The following ZNF836 variants were observed in gnomAD, a reference collection of about 807,000 sequenced individuals.
ZNF836 encodes zinc finger protein 836.
A neutral mutation model predicts 7.4 loss-of-function variants in ZNF836; 12 were observed. The ratio of observed to expected loss-of-function variants is 1.61; its 90% CI spans 1.03 to 2.61. ZNF836 has a LOEUF of 2.61. ZNF836 is among the 30% of genes most tolerant of loss of function. The pLI is 0.00. For synonymous variants in ZNF836, 365 were observed against 382.6 expected, an observed-to-expected ratio of 0.95 and a Z score of 0.54; for missense variants, 998 against 1,126.2, an observed-to-expected ratio of 0.89 and a Z score of 1.63.
rs755702824 is a variant in ZNF836, at chr19:52,157,519, G to T, written c.164C>A (p.Thr55Asn). The change falls in exon 5 of 5, where the codon ACC becomes AAC. Residue 55 changes from threonine (T) to asparagine (N), a missense_variant. Coordinates refer to ENST00000682614, the MANE Select transcript of ZNF836 (RefSeq NM_001102657.3). Reference protein sequence around the residue: ...VFLGILPKCMTKELPPIGNSN... With the variant: ...VFLGILPKCMNKELPPIGNSN... The stretch of plus-strand genomic sequence containing the variant: ...GTTCCCTATTGGTGGTAATTCCTTG[G>T]TCATACATTTAGGAAGGATACCTAC... 3.3e-6 allele frequency: 5 copies of T among 1,531,408 alleles called. No homozygotes were observed. The highest frequency in any genetic ancestry group is 4.4e-6 in the Non-Finnish European group (5 of 1,145,726). The allele number at this position is 1,531,408 out of a possible 1,614,324, so 94.9% of individuals were successfully genotyped here.
In ZNF836 at chr19:52,160,491, TCCAACATCACATC is replaced by T; in HGVS notation, c.103_115del (p.Asp35ArgfsTer16). ...CAGGAAGACCAGGTTCCTGTAGTTC[TCCAACATCACATC>T]CCAGTACAAAGCTTTCTGCACAGGG... On this transcript the variant is annotated frameshift_variant, in exon 4 of 5. Transcript: ENST00000682614. LOFTEE classifies it low-confidence loss of function (END_TRUNC). 6.2e-7 allele frequency: 1 copy of T among 1,614,148 alleles called. No homozygotes were observed. Among genetic ancestry groups the T allele is most frequent in the Non-Finnish European group, 8.5e-7 (1 of 1,180,026 alleles).
intron 3 of ZNF836, among the ~76,000 whole-genome samples, chr19:52,167,245 G>T (rs1252843110): frequency 6.6e-6 from 1 of 151,718 alleles, no homozygotes. Context: ...GCCGAGGCGG[G>T]AGGATCACCT....
At chr19:52,159,534 T>C (rs1002564792) in intron 4 of ZNF836, among the ~76,000 whole-genome samples, 1 of 152,204 alleles carries the variant, frequency 6.6e-6, no homozygotes, top group Admixed American at 6.5e-5. Context: ...CCAATGTGTG[T>C]TGCCAAAACA....
Position 52,168,102 on chromosome 19 carries a change from T to C in ZNF836, c.-30A>G. The C allele has an allele frequency of 6.2e-7, 1 of 1,609,554 alleles. No individual in the cohort carries two copies. Among genetic ancestry groups the C allele is most frequent in the Non-Finnish European group, 8.5e-7 (1 of 1,178,446 alleles). ...GACTCCTTTTCTTTCCTCTTCTTCC[T>C]CTTCTGGGCTTCTCTCTCAGTCAAT... is the stretch of plus-strand genomic sequence containing the variant. On this transcript the variant is annotated 5_prime_UTR_variant, in exon 3 of 5. Coordinates refer to ENST00000682614, the MANE Select transcript of ZNF836 (RefSeq NM_001102657.3).
rs767705954 is a variant in ZNF836, at chr19:52,155,398, G to C, written c.2285C>G (p.Thr762Ser). The C allele has an allele frequency of 6.2e-7, 1 of 1,613,820 alleles. No homozygotes were observed. Among genetic ancestry groups the C allele is most frequent in the South Asian group, 1.1e-5 (1 of 91,056 alleles). Residue 762 changes from threonine to serine, a missense_variant, in exon 5 of 5, where the codon ACT becomes AGT. Physicochemically the swap from Thr to Ser is moderately conservative, Grantham distance 58. Coordinates refer to ENST00000682614, the MANE Select transcript of ZNF836 (RefSeq NM_001102657.3). ...CIECGQVFNSTSNLARHRRIH... is the reference protein window; with the variant it reads ...CIECGQVFNSSSNLARHRRIH... ...TCTCCGATGCCTTGCAAGGTTCGAA[G>C]TGGAATTAAAGACCTGGCCACATTC...
In ZNF836 at chr19:52,157,455, T is replaced by C; in HGVS notation, c.228A>G (p.Glu76=). Reference sequence around the variant, plus strand: ...TTTCAACATCATAACATTCATGTCTTTCCAGCGTCACTGTTTGGCATTTTT... The same window carrying C: ...TTTCAACATCATAACATTCATGTCTCTCCAGCGTCACTGTTTGGCATTTTT... ...TGEKCQTVTL[E]RHECYDVENF... is the part of the protein sequence containing the mutation. The change falls in exon 5 of 5, where the codon GAA becomes GAG. Residue 76 remains glutamate, a synonymous_variant. Transcript: ENST00000682614. The C allele has an allele frequency of 6.2e-7, 1 of 1,601,118 alleles. No individual in the cohort carries two copies. Among genetic ancestry groups the C allele is most frequent in the Non-Finnish European group, 8.5e-7 (1 of 1,176,318 alleles).
At chr19:52,171,025 T>C (rs116011320) in intron 1 of ZNF836, 2,759 of 152,152 alleles carry the variant, frequency 0.018, 78 homozygotes, top group African/African-American at 0.062. Flanking sequence ...GGGGGTACGG[T>C]GTCTCAGGAC....
intron 3 of ZNF836, among the ~76,000 whole-genome samples, chr19:52,164,126 C>G (rs978559254): frequency 6.6e-6 from 1 of 151,304 alleles, no homozygotes; most frequent in Non-Finnish European, 1.5e-5. Flanking sequence ...TGCAGTGGCT[C>G]ACGACCTGTA....
intron 3 of ZNF836, chr19:52,165,414 A>G (rs1195300162): frequency 1.3e-5 from 2 of 152,224 alleles, no homozygotes; most frequent in African/African-American, 4.8e-5. Context: ...AAAACAAACT[A>G]TTAGTGTTTA....
intron 3 of ZNF836, among the ~76,000 whole-genome samples, chr19:52,162,959 A>G (rs556586151): frequency 3.3e-5 from 5 of 152,220 alleles, no homozygotes; most frequent in African/African-American, 1.2e-4. Context: ...TGCCCTCTGG[A>G]GTGGTGGCTG....
chr19:52,165,713 C>T (rs1296659539), intron 3 of ZNF836, among the ~76,000 whole-genome samples: 2 of 152,162 alleles, frequency 1.3e-5, no homozygotes, highest in Non-Finnish European at 2.9e-5. Context: ...TGGCAAGATT[C>T]TCCACTACCC....
Position 52,168,168 on chromosome 19 carries a change from C to T in ZNF836, c.-80-16G>A, listed in dbSNP as rs1006051023. 12 of 1,522,404 alleles carry T rather than the reference C, an allele frequency of 7.9e-6. No individual in the cohort carries two copies. The highest frequency in any genetic ancestry group is 9.8e-6 in the Non-Finnish European group (11 of 1,125,370). The allele number at this position is 1,522,404 out of a possible 1,614,324, so 94.3% of individuals were successfully genotyped here. A position where few individuals can be genotyped will look rare whatever the true frequency, so the allele number is the denominator to read the frequency against. ...CAAGTCAAATCTGAAAGTGAAAAAT[C>T]TGTTGTTTAATGCTTGGAAACAACA... On this transcript the variant is annotated splice_polypyrimidine_tract_variant and intron_variant, in intron 2 of 4. Transcript: ENST00000682614.
At position 52,157,162 on chromosome 19, in the gene ZNF836, CTG is replaced by C; in HGVS notation, c.519_520del (p.Asn173LysfsTer13). 1 of 1,612,792 alleles carries C rather than the reference CTG, an allele frequency of 6.2e-7. No individual in the cohort carries two copies. The highest frequency in any genetic ancestry group is 1.1e-5 in the South Asian group (1 of 90,944). On this transcript the variant is annotated frameshift_variant, in exon 5 of 5. Coordinates refer to ENST00000682614, the MANE Select transcript of ZNF836 (RefSeq NM_001102657.3). LOFTEE classifies it low-confidence loss of function (END_TRUNC). ...TCTTTGAAGTGGTGAAACTAGGGAA[CTG>C]TTATTAACTGTCTTCTCAGATTGGT...
rs186568049 is a variant in ZNF836 at position 52,157,060 on chromosome 19, A to C, written c.623T>G (p.Leu208Arg). The change falls in exon 5 of 5, where the codon CTT (leucine) becomes CGT (arginine). Residue 208 changes from leucine (L) to arginine (R), a missense_variant. Coordinates refer to ENST00000682614, the MANE Select transcript of ZNF836 (RefSeq NM_001102657.3). ...TTTTTCCCTAATGTGTGTTTTCTCA[A>C]GTTGGGTGGGTAATGACAGCTGCAA... ...EFLQLSLPTQ[L>R]EKTHIREKPY... 1 of 1,613,912 alleles carries C rather than the reference A, an allele frequency of 6.2e-7. No homozygotes were observed. The highest frequency in any genetic ancestry group is 1.3e-5 in the African/African-American group (1 of 75,008).
chr19:52,156,694 T>C lies in ZNF836; in HGVS notation c.989A>G (p.Tyr330Cys), dbSNP rs772403898. Residue 330 changes from tyrosine (Y) to cysteine (C), a missense_variant, in exon 5 of 5, where the codon TAC becomes TGC. By Grantham distance (194) the Tyr-to-Cys change is radical. Coordinates refer to ENST00000682614, the MANE Select transcript of ZNF836 (RefSeq NM_001102657.3). ...HQRIHTGEKP[Y>C]KCNECGKTFK... ...GGTTTTCCCACACTCATTACATTTG[T>C]AAGGTTTCTCTCCAGTGTGAATTCT... 1 of 1,614,090 alleles carries C rather than the reference T, an allele frequency of 6.2e-7. No homozygotes were observed. The highest frequency in any genetic ancestry group is 8.5e-7 in the Non-Finnish European group (1 of 1,179,994).
chr19:52,166,875 G>A lies in ZNF836; in HGVS notation c.15+1183C>T, dbSNP rs948731372. The stretch of plus-strand genomic sequence containing the variant: ...ATTACAGGCGTGAGCCACCGCGCCC[G>A]GCCTGTACCAACTTCTTAATGCCTC... On this transcript the variant is annotated intron_variant, in intron 3 of 4. Coordinates refer to ENST00000682614, the MANE Select transcript of ZNF836 (RefSeq NM_001102657.3). 1.1e-4 allele frequency among the ~76,000 whole-genome samples: 16 copies of A among 151,628 alleles called. No homozygotes were observed. In the East Asian group the frequency reaches 2.0e-3, roughly 19 times the overall value.
chr19:52,168,056 A>T lies in ZNF836; in HGVS notation c.15+2T>A. 1.2e-6 allele frequency: 2 copies of T among 1,602,636 alleles called. No homozygotes were observed. Among genetic ancestry groups the T allele is most frequent in the Non-Finnish European group, 1.7e-6 (2 of 1,170,314 alleles). The stretch of plus-strand genomic sequence containing the variant: ...AATGATCCACTAAGAATATCATTTT[A>T]CCTGTGTAAGAGCCATCCCTGACTC... On this transcript the variant is annotated splice_donor_variant, in intron 3 of 4. Transcript: ENST00000682614. LOFTEE classifies it high-confidence loss of function.
chr19:52,170,598 A>C (rs1424011751), intron 1 of ZNF836, among the ~76,000 whole-genome samples: 1 of 151,790 alleles, frequency 6.6e-6, no homozygotes, highest in Non-Finnish European at 1.5e-5. Context: ...ATCTCTCTGA[A>C]GGTCCCCCTT....
At chr19:52,166,605 GCT>G (rs1319737350) in intron 3 of ZNF836, among the ~76,000 whole-genome samples, 1 of 133,984 alleles carries the variant, frequency 7.5e-6, no homozygotes, top group Non-Finnish European at 1.5e-5. Flanking sequence ...ACGGAGTCTC[GCT>G]CTGTCGCCCA....
Sources: gnomAD v4.1 joint callset for allele counts (sites outside exome capture counted in the v4.1 genomes callset) on GRCh38, gnomAD v4.1.1 for gene constraint, MANE v1.5 for transcripts, NCBI Gene and HGNC (gene_info 2026-07-23, HGNC 2026-07-21) for gene names.